HUWE1: variants seen among roughly 807,000 people sequenced by gnomAD.
HUWE1 encodes HECT, UBA and WWE domain containing E3 ubiquitin protein ligase 1.
A neutral mutation model predicts 299.4 loss-of-function variants in HUWE1; 18 were observed. The ratio of observed to expected loss-of-function variants is 0.06; its 90% CI spans 0.04 to 0.09. The LOEUF is 0.09. Among genes scored for constraint, HUWE1 ranks in the 10% least tolerant of loss-of-function variants. The pLI is 1.00. For missense variants in HUWE1, 1,832 were observed against 3,462.3 expected (o/e 0.53, Z 11.82); for synonymous variants, 1,317 against 1,286.1 (o/e 1.02, Z -0.51).
Position 53,648,257 on chromosome X carries a change from T to A in HUWE1, c.99A>T (p.Gln33His). Reference sequence around the variant, plus strand: ...TGATCTGCTGCAGTTCCAAGAGAAGTTGCTCATCATTACAAACTTTGAGTT... The same window carrying A: ...TGATCTGCTGCAGTTCCAAGAGAAGATGCTCATCATTACAAACTTTGAGTT... ...IDKLKVCNDEQLLLELQQIKT... is the reference protein window; with the variant it reads ...IDKLKVCNDEHLLLELQQIKT... Residue 33 changes from glutamine to histidine, a missense_variant, in exon 5 of 84, where the codon CAA (glutamine) becomes CAT (histidine). By Grantham distance (24) the Gln-to-His change is conservative. Around this residue, in one of 15 missense-constraint regions of HUWE1, gnomAD observed 658 missense variants for 1,282.6 expected, o/e 0.51. Coordinates refer to ENST00000262854, the MANE Select transcript of HUWE1 (RefSeq NM_031407.7). 8.3e-7 allele frequency: 1 copy of A among 1,204,823 alleles called. No individual in the cohort carries two copies. The highest frequency in any genetic ancestry group is 1.1e-6 in the Non-Finnish European group (1 of 889,427).
At chrX:53,549,953 T>C (rs1374144870) in intron 66 of HUWE1, among the ~76,000 whole-genome samples, 1 of 110,531 alleles carries the variant, frequency 9.0e-6, no homozygotes, top group Admixed American at 9.7e-5. Flanking sequence ...GGGTTTGCCA[T>C]GTTGCCTAGG....
chrX:53,658,150 A>T (rs1212988511), intron 3 of HUWE1, among the ~76,000 whole-genome samples: 1 of 111,024 alleles, frequency 9.0e-6, no homozygotes, highest in Non-Finnish European at 1.9e-5. Flanking sequence ...TGAAAAACTT[A>T]GATATAAATC....
rs1556929955 is a variant in HUWE1 at position 53,552,411 on chromosome X, G to A, written c.8781C>T (p.Ser2927=). The A allele has an allele frequency of 2.5e-6, 3 of 1,211,179 alleles. No individual in the cohort carries two copies. In the Admixed American group the frequency reaches 6.5e-5, roughly 26 times the overall value. ...SSPPASSESS[S]TRDSAVAISG... Reference sequence around the variant, plus strand: ...AAATGGCCACGGCAGAATCTCTGGTGGAAGAGCTCTCAGAGGATGCAGGTG... The same window carrying A: ...AAATGGCCACGGCAGAATCTCTGGTAGAAGAGCTCTCAGAGGATGCAGGTG... The change falls in exon 63 of 84, where the codon TCC becomes TCT. Residue 2927 remains serine (S), a synonymous_variant. Transcript: ENST00000262854.
At chrX:53,640,934 A>G (rs1164934360) in intron 7 of HUWE1, among the ~76,000 whole-genome samples, 2 of 112,109 alleles carry the variant, frequency 1.8e-5, no homozygotes, top group Non-Finnish European at 3.8e-5. Context: ...TATCAGCCTA[A>G]AAGTAGGGTG....
intron 25 of HUWE1, among the ~76,000 whole-genome samples, chrX:53,605,818 C>A (rs782505084): frequency 9.0e-6 from 1 of 111,393 alleles, no homozygotes; most frequent in African/African-American, 3.3e-5. Context: ...TAAAGACAGA[C>A]GTAAAGACCA....
intron 3 of HUWE1, among the ~76,000 whole-genome samples, chrX:53,676,308 T>A (rs1032863910): frequency 9.0e-6 from 1 of 111,352 alleles, no homozygotes; most frequent in Non-Finnish European, 1.9e-5. Flanking sequence ...ATAACTGATA[T>A]AGGTTAACTT....
At chrX:53,602,305 G>C (rs1431817785) in intron 28 of HUWE1, among the ~76,000 whole-genome samples, 1 of 97,019 alleles carries the variant, frequency 1.0e-5, no homozygotes, top group Non-Finnish European at 2.0e-5. Context: ...TGTATTCAGA[G>C]AAAAAAGACG....
intron 3 of HUWE1, among the ~76,000 whole-genome samples, chrX:53,656,379 T>TA (rs200564697): frequency 1.6e-4 from 15 of 94,469 alleles, no homozygotes; most frequent in East Asian, 3.3e-4. Flanking sequence ...CATCTCAAAA[T>TA]AAAAAAAAAT....
At chrX:53,673,909 TCA>T (rs1557050256) in intron 3 of HUWE1, among the ~76,000 whole-genome samples, 1 of 111,190 alleles carries the variant, frequency 9.0e-6, no homozygotes, top group African/African-American at 3.3e-5. Context: ...AATAAAGTTG[TCA>T]GTTTGCCATG....
chrX:53,621,894 C>A (rs1380454950), intron 19 of HUWE1, among the ~76,000 whole-genome samples: 1 of 112,069 alleles, frequency 8.9e-6, no homozygotes, highest in East Asian at 2.8e-4. Flanking sequence ...CAATCATAAG[C>A]ATGATGACGT....
chrX:53,629,037 G>A, intron 13 of HUWE1, 135 bp from the exon 14 acceptor site: 1 of 526,937 alleles, frequency 1.9e-6, no homozygotes, highest in South Asian at 3.0e-5. Context: ...GAGGTCTGTT[G>A]AGAGCAACAA....
intron 73 of HUWE1, among the ~76,000 whole-genome samples, chrX:53,543,245 T>C (rs1300969455): frequency 9.1e-6 from 1 of 110,465 alleles, no homozygotes; most frequent in African/African-American, 3.3e-5. Context: ...AGGAAAACAA[T>C]GAGGGAGTGC....
chrX:53,623,972 A>G (rs1021247359), intron 19 of HUWE1, among the ~76,000 whole-genome samples: 8 of 112,468 alleles, frequency 7.1e-5, no homozygotes, highest in Non-Finnish European at 1.3e-4. Context: ...GATAAACAAA[A>G]TGTATGATAA....
rs2061253537 is a variant in HUWE1, at chrX:53,539,654, C to T, written c.11632+3G>A. 4 of 1,211,340 alleles carry T rather than the reference C, an allele frequency of 3.3e-6. No individual in the cohort carries two copies. Among genetic ancestry groups the T allele is most frequent in the Non-Finnish European group, 4.5e-6 (4 of 895,139 alleles). On this transcript the variant is annotated splice_donor_region_variant and intron_variant, in intron 75 of 83. Coordinates refer to ENST00000262854, the MANE Select transcript of HUWE1 (RefSeq NM_031407.7). ...GGACCTGGGCCTTTAGGACACAACT[C>T]ACCTAGCACCGCATGCTGGTCATGG... is the stretch of plus-strand genomic sequence containing the variant.
intron 15 of HUWE1, among the ~76,000 whole-genome samples, 174 bp downstream of exon 15, chrX:53,628,319 T>C (rs1386108203): frequency 9.0e-6 from 1 of 111,231 alleles, no homozygotes; most frequent in African/African-American, 3.3e-5. Flanking sequence ...CTCTTAAACA[T>C]TGTTAATTAG....
intron 6 of HUWE1, 39 bp from the exon 7 acceptor site, chrX:53,645,502 C>T (rs782041460): frequency 2.5e-6 from 3 of 1,180,807 alleles, no homozygotes; most frequent in Admixed American, 4.4e-5. Flanking sequence ...AGGTATCAGG[C>T]ACAACTGGCC....
At chrX:53,643,848 C>T (rs782616572) in intron 7 of HUWE1, among the ~76,000 whole-genome samples, 13 of 111,860 alleles carry the variant, frequency 1.2e-4, no homozygotes, top group Non-Finnish European at 2.4e-4. Context: ...GACAGAGTCT[C>T]GGTCTCACTC....
chrX:53,672,328 TCTCAGCTCACTG>T (rs1195007043), intron 3 of HUWE1, among the ~76,000 whole-genome samples: 1 of 107,040 alleles, frequency 9.3e-6, no homozygotes, highest in East Asian at 2.9e-4. Context: ...AGTGGCGTGA[TCTCAGCTCACTG>T]CAACCTCCGC....
intron 74 of HUWE1, among the ~76,000 whole-genome samples, chrX:53,540,858 G>A (rs1455367929): frequency 9.0e-6 from 1 of 111,502 alleles, no homozygotes; most frequent in Admixed American, 9.5e-5. Context: ...CCCTGCTTAG[G>A]TTTCTTCCTG....
Sources: allele counts gnomAD v4.1 joint callset (sites outside exome capture counted in the v4.1 genomes callset), GRCh38; gene constraint gnomAD v4.1.1; regional missense constraint gnomAD v4.1.1; transcripts MANE v1.5; gene names NCBI Gene and HGNC (gene_info 2026-07-23, HGNC 2026-07-21).